The following PDGFC variants were observed in gnomAD, a reference collection of about 807,000 sequenced individuals.
PDGFC encodes the protein platelet derived growth factor C.
A neutral mutation model predicts 35.5 loss-of-function variants in PDGFC; 12 were observed. The observed-to-expected ratio is 0.34, with a 90% CI of 0.22 to 0.55. The LOEUF is 0.55. Ranked by LOEUF, PDGFC falls within the 20% of genes least tolerant of loss-of-function variation. The probability of loss-of-function intolerance (pLI) is 0.91; values close to 1 mark genes in which losing one functional copy is unlikely to be tolerated. For synonymous variants in PDGFC, 159 were observed against 148.8 expected, an observed-to-expected ratio of 1.07 and a Z score of -0.50; for missense variants, 322 against 412.4, an observed-to-expected ratio of 0.78 and a Z score of 1.90.
chr4:156,968,759 A>G (rs1220287505), intron 1 of PDGFC, among the ~76,000 whole-genome samples: 1 of 152,108 alleles, frequency 6.6e-6, no homozygotes, highest in East Asian at 1.9e-4. Flanking sequence ...TCCTGCTGCC[A>G]TCCTTAACAT....
chr4:156,824,319 TATATATATAC>T (rs1222441509), intron 2 of PDGFC, among the ~76,000 whole-genome samples: 20 of 95,032 alleles, frequency 2.1e-4, no homozygotes, highest in Non-Finnish European at 3.5e-4. Context: ...TATATATATA[TATATATATAC>T]ACACACACAC....
intron 3 of PDGFC, among the ~76,000 whole-genome samples, chr4:156,799,398 G>A (rs184363548): frequency 6.0e-5 from 9 of 150,694 alleles, no homozygotes; most frequent in Admixed American, 3.3e-4. Flanking sequence ...GCAAAAAGCC[G>A]AAAAAAAAAT....
chr4:156,932,903 A>G (rs1437158951), intron 1 of PDGFC, among the ~76,000 whole-genome samples: 1 of 152,116 alleles, frequency 6.6e-6, no homozygotes, highest in Non-Finnish European at 1.5e-5. Flanking sequence ...TAATTAAAAA[A>G]AAAAAGAAGT....
chr4:156,850,475 A>G, intron 1 of PDGFC, 59 bp from the exon 2 acceptor site: 1 of 967,086 alleles, frequency 1.0e-6, no homozygotes, highest in Non-Finnish European at 1.5e-6. Flanking sequence ...ATAGGTATCA[A>G]AGCAAGTGTT....
intron 1 of PDGFC, among the ~76,000 whole-genome samples, chr4:156,883,852 G>A (rs1012863164): frequency 6.6e-6 from 1 of 151,980 alleles, no homozygotes; most frequent in Admixed American, 6.6e-5. Flanking sequence ...GGTCACTTAG[G>A]GATTCTGTGC....
At chr4:156,901,961 G>T (rs1730799449) in intron 1 of PDGFC, among the ~76,000 whole-genome samples, 1 of 152,190 alleles carries the variant, frequency 6.6e-6, no homozygotes, top group Admixed American at 6.5e-5. Flanking sequence ...ATGCTACATT[G>T]ACAGCGATGC....
rs1199543316 is a variant in PDGFC at position 156,767,988 on chromosome 4, C to T, written c.706G>A (p.Val236Met). ...AFVFGRKSRV[V>M]DLNLLTEEVR... ...TCCTCTGTTAGAAGGTTCAGATCCA[C>T]CACTATATGGTATAAAAGAAAGCAA... Residue 236 changes from valine (V) to methionine (M), a missense_variant and splice_region_variant, in exon 5 of 6, where the codon GTG (valine) becomes ATG (methionine). Val to Met is a conservative substitution (Grantham distance 21). Transcript: ENST00000502773. 8 of 1,581,600 alleles carry T rather than the reference C, an allele frequency of 5.1e-6. No individual in the cohort carries two copies. Among genetic ancestry groups the T allele is most frequent in the Non-Finnish European group, 7.0e-6 (8 of 1,150,490 alleles).
chr4:156,914,353 A>T (rs1731109271), intron 1 of PDGFC, among the ~76,000 whole-genome samples: 1 of 151,938 alleles, frequency 6.6e-6, no homozygotes, highest in African/African-American at 2.4e-5. Context: ...CATACTGGGC[A>T]CCCTCTTGCT....
chr4:156,883,586 A>C lies in PDGFC; in HGVS notation c.119-33170T>G, dbSNP rs535657183. 1.2e-4 allele frequency among the ~76,000 whole-genome samples: 18 copies of C among 152,328 alleles called. 1 individual carries two copies. Among genetic ancestry groups the C allele is most frequent in the African/African-American group, 4.3e-4 (18 of 41,588 alleles). ...TTAATTACACTGCCCACTTAACAAT[A>C]TGCAGAAGAAAACAAATTAACTAGA... On this transcript the variant is annotated intron_variant, in intron 1 of 5. Coordinates refer to ENST00000502773, the MANE Select transcript of PDGFC (RefSeq NM_016205.3).
chr4:156,827,799 G>C (rs1303888504), intron 2 of PDGFC, among the ~76,000 whole-genome samples: 2 of 150,640 alleles, frequency 1.3e-5, no homozygotes, highest in Non-Finnish European at 2.9e-5. Context: ...ATACAGCACT[G>C]TTATCACCAA....
intron 2 of PDGFC, among the ~76,000 whole-genome samples, chr4:156,836,443 C>T (rs2111039772): frequency 6.6e-6 from 1 of 152,228 alleles, no homozygotes; most frequent in African/African-American, 2.4e-5. Context: ...TAACTTTCTC[C>T]TTGATTTCTA....
intron 1 of PDGFC, among the ~76,000 whole-genome samples, chr4:156,920,664 C>G (rs1032158571): frequency 7.7e-6 from 1 of 129,402 alleles, no homozygotes; most frequent in Non-Finnish European, 1.5e-5. Flanking sequence ...CACACACACA[C>G]ACACACACAC....
intron 1 of PDGFC, among the ~76,000 whole-genome samples, chr4:156,853,828 T>A (rs892321893): frequency 6.6e-6 from 1 of 152,038 alleles, no homozygotes; most frequent in African/African-American, 2.4e-5. Context: ...CTGGACATGG[T>A]GGCATGTGCC....
In PDGFC at chr4:156,923,964, G is replaced by C. The variant is rs79757106; in HGVS notation, c.118+46822C>G. ...TGGTGGGGAAGGAAATAGTAAAAAAGACTGCCACTGGGAATTGCTGATGTC... is the reference window on the plus strand; with the variant it reads ...TGGTGGGGAAGGAAATAGTAAAAAACACTGCCACTGGGAATTGCTGATGTC... On this transcript the variant is annotated intron_variant, in intron 1 of 5. Coordinates refer to ENST00000502773, the MANE Select transcript of PDGFC (RefSeq NM_016205.3). Among the ~76,000 whole-genome samples, 2,480 of 152,206 alleles carry C rather than the reference G, an allele frequency of 0.016. 159 individuals carry two copies. The East Asian group carries it at 0.19, about 11-fold the overall frequency.
intron 1 of PDGFC, among the ~76,000 whole-genome samples, chr4:156,934,191 T>C (rs1299575185): frequency 6.6e-6 from 1 of 152,220 alleles, no homozygotes; most frequent in Non-Finnish European, 1.5e-5. Context: ...TCATAGAGCA[T>C]GCTTAAACAA....
At chr4:156,890,304 G>A (rs181620493) in intron 1 of PDGFC, among the ~76,000 whole-genome samples, 83 of 152,210 alleles carry the variant, frequency 5.5e-4, no homozygotes, top group African/African-American at 1.7e-3. Flanking sequence ...AAAACAGCAT[G>A]TTCCTTCTTT....
intron 2 of PDGFC, among the ~76,000 whole-genome samples, chr4:156,830,518 T>A (rs1728901369): frequency 6.6e-6 from 1 of 150,992 alleles, no homozygotes; most frequent in Non-Finnish European, 1.5e-5. Context: ...ATTTTGGTCA[T>A]TTAGTCACTT....
rs375491435 is a variant in PDGFC at position 156,850,229 on chromosome 4, G to A, written c.306C>T (p.Asp102=). The stretch of plus-strand genomic sequence containing the variant: ...CAAGTATGATCACTTACTTGCATAT[G>A]TCATCTTCTGGGTCTTCAAGCCCAA... The part of the protein sequence containing the change: ...ERFGLEDPED[D]ICKYDFVEVE... The change falls in exon 2 of 6, where the codon GAC becomes GAT. Residue 102 remains aspartate (D), a synonymous_variant. Coordinates refer to ENST00000502773, the MANE Select transcript of PDGFC (RefSeq NM_016205.3). 1 of 1,559,758 alleles carries A rather than the reference G, an allele frequency of 6.4e-7. No homozygotes were observed. The highest frequency in any genetic ancestry group is 1.4e-5 in the African/African-American group (1 of 73,686).
chr4:156,899,809 C>T (rs1395985465), intron 1 of PDGFC, among the ~76,000 whole-genome samples: 4 of 152,024 alleles, frequency 2.6e-5, no homozygotes, highest in Non-Finnish European at 5.9e-5. Flanking sequence ...AGTGAGACTC[C>T]ATCTCAAAAA....
Sources: gnomAD v4.1 joint callset for allele counts (sites outside exome capture counted in the v4.1 genomes callset) on GRCh38, gnomAD v4.1.1 for gene constraint, MANE v1.5 for transcripts, NCBI Gene and HGNC (gene_info 2026-07-23, HGNC 2026-07-21) for gene names.